Variants in H2BC18 observed in about 807,000 individuals in gnomAD.
H2BC18 encodes the protein H2B clustered histone 18.
Under a neutral mutation model 6.3 loss-of-function variants are expected in H2BC18, and 8 were observed. That is an observed-to-expected ratio of 1.28 (90% CI 0.75 to 2.31). H2BC18 has a LOEUF of 2.31. Among genes scored for constraint, H2BC18 ranks in the 30% most tolerant of loss-of-function variants. The probability of loss-of-function intolerance (pLI) is 0.00; values close to 1 mark genes in which losing one functional copy is unlikely to be tolerated. For missense variants in H2BC18, 106 were observed against 174.5 expected, an observed-to-expected ratio of 0.61 and a Z score of 2.21; for synonymous variants, 104 against 78.1, an observed-to-expected ratio of 1.33 and a Z score of -1.75.
chr1:149,812,345 A>T lies in H2BC18; in HGVS notation c.-22T>A, dbSNP rs782473844. The T allele has an allele frequency of 1.9e-6, 3 of 1,613,940 alleles. No individual in the cohort carries two copies. Among genetic ancestry groups the T allele is most frequent in the Non-Finnish European group, 2.5e-6 (3 of 1,180,006 alleles). On this transcript the variant is annotated 5_prime_UTR_variant, in exon 1 of 1. Transcript: ENST00000369167. ...GCATTTTTGCGCGAAAAAAGAGAAA[A>T]GAGACTTAAAGAAGTAATCCGAACT...
intron 1 of H2BC18, among the ~76,000 whole-genome samples, chr1:149,798,388 C>G (rs1285450887): frequency 6.6e-6 from 1 of 151,362 alleles, no homozygotes; most frequent in East Asian, 1.9e-4. Flanking sequence ...TCTTATTAAC[C>G]GTGTTCTTCA....
intron 1 of H2BC18, among the ~76,000 whole-genome samples, chr1:149,784,750 G>A (rs2091496225): frequency 6.7e-6 from 1 of 149,856 alleles, no homozygotes; most frequent in African/African-American, 2.4e-5. Flanking sequence ...AAAGCTGTGG[G>A]TGGTAGAACA....
At chr1:149,803,879 T>C (rs1571415989) in intron 1 of H2BC18, 1 of 152,154 alleles carries the variant, frequency 6.6e-6, no homozygotes, top group East Asian at 1.9e-4. Flanking sequence ...TGGACTGTAA[T>C]TTGAAGAGAA....
chr1:149,783,819 G>A, intron 1 of H2BC18: 2 of 478,622 alleles, frequency 4.2e-6, no homozygotes, highest in Admixed American at 4.6e-5. Context: ...ATGAACAGAG[G>A]TCTCTGCAGC....
downstream of H2BC18, among the ~76,000 whole-genome samples, chr1:149,809,188 C>T (rs665907): frequency 8.2e-6 from 1 of 122,542 alleles, no homozygotes; most frequent in African/African-American, 3.3e-5. Context: ...CACCTTTTGT[C>T]TTCTGGAATG....
intron 1 of H2BC18, among the ~76,000 whole-genome samples, chr1:149,785,413 T>TTG (rs2091518802): frequency 7.7e-6 from 1 of 130,644 alleles, no homozygotes; most frequent in Non-Finnish European, 1.7e-5. Flanking sequence ...GTTTCGTTTT[T>TTG]TTTTTTTTTT....
chr1:149,803,150 G>C (rs1297289647), intron 1 of H2BC18, among the ~76,000 whole-genome samples: 1 of 151,972 alleles, frequency 6.6e-6, no homozygotes, highest in Non-Finnish European at 1.5e-5. Flanking sequence ...GCCCAGGATC[G>C]TATCTGTGCT....
chr1:149,790,129 G>GATTCACCC, intron 1 of H2BC18: 1 of 1,613,956 alleles, frequency 6.2e-7, no homozygotes, highest in Non-Finnish European at 8.5e-7. Context: ...ACCCTGAGCT[G>GATTCACCC]TGAAACAAAG....
downstream of H2BC18, chr1:149,810,278 A>G (rs2091960021): frequency 6.6e-6 from 1 of 151,728 alleles, no homozygotes; most frequent in Admixed American, 6.6e-5. Flanking sequence ...TGTGCTATAT[A>G]TGATTTCTTT....
At chr1:149,811,639 C>T, downstream of H2BC18, 1 of 473,750 alleles carries the variant, frequency 2.1e-6, no homozygotes. Flanking sequence ...CACCCCCCGC[C>T]TCCTTCCCTC....
At chr1:149,804,357 AT>A (rs1553753668) in intron 1 of H2BC18, among the ~76,000 whole-genome samples, 1 of 152,198 alleles carries the variant, frequency 6.6e-6, no homozygotes, top group Non-Finnish European at 1.5e-5. Context: ...TCATTTCCTA[AT>A]TTATTATTTT....
chr1:149,809,204 C>G (rs1182548424), downstream of H2BC18, among the ~76,000 whole-genome samples: 6 of 121,496 alleles, frequency 4.9e-5, no homozygotes, highest in African/African-American at 6.6e-5. Flanking sequence ...GAATGCACCT[C>G]TCTTCTCATC....
At position 149,812,183 on chromosome 1, in the gene H2BC18, C is replaced by T. The variant is rs1452886888; in HGVS notation, c.141G>A (p.Lys47=). 1 of 1,614,286 alleles carries T rather than the reference C, an allele frequency of 6.2e-7. No individual in the cohort carries two copies. The highest frequency in any genetic ancestry group is 8.5e-7 in the Non-Finnish European group (1 of 1,180,054). The stretch of plus-strand genomic sequence containing the variant: ...AGATGCCGGTGTCGGGGTGGACCTG[C>T]TTCAGCACCTTGTACACGTAAACGG... ...SYSVYVYKVL[K]QVHPDTGISS... The change falls in exon 1 of 1, where the codon AAG becomes AAA. Residue 47 remains lysine, a synonymous_variant. Coordinates refer to ENST00000369167, the MANE Select transcript of H2BC18 (RefSeq NM_001024599.5).
At chr1:149,801,100 A>G (rs1185875092) in intron 1 of H2BC18, among the ~76,000 whole-genome samples, 3 of 152,168 alleles carry the variant, frequency 2.0e-5, no homozygotes, top group African/African-American at 7.2e-5. Context: ...AAATAAATAA[A>G]AAGACTTCAG....
intron 1 of H2BC18, chr1:149,791,875 GAC>G: frequency 2.6e-5 from 7 of 269,558 alleles, no homozygotes; most frequent in South Asian, 4.0e-5. Flanking sequence ...GACAGAAAGA[GAC>G]ACACACACAG....
rs782486574 is a variant in H2BC18, at chr1:149,793,029, C to G, written c.378-9769G>C. 79 of 1,263,614 alleles carry G rather than the reference C, an allele frequency of 6.3e-5. 2 individuals are homozygous for G. The South Asian group carries it at 9.6e-4, about 15-fold the overall frequency. 78.3% of individuals were successfully genotyped at this position (1,263,614 alleles called of 1,614,324 possible). ...AGTCCCTCCAACCCCGCCCCGGGCC[C>G]GCCAGCTCCCGGGCCCCGGCGCGGC... is the stretch of plus-strand genomic sequence containing the variant. On this transcript the variant is annotated intron_variant, in intron 1 of 1. Coordinates refer to the H2BC18 transcript ENST00000545683.
At chr1:149,801,570 A>G (rs1418166894) in intron 1 of H2BC18, among the ~76,000 whole-genome samples, 3 of 135,600 alleles carry the variant, frequency 2.2e-5, no homozygotes, top group African/African-American at 8.2e-5. Flanking sequence ...CACAGATTAA[A>G]AACATCCTAA....
intron 1 of H2BC18, among the ~76,000 whole-genome samples, chr1:149,800,393 C>T (rs2091854448): frequency 6.6e-6 from 1 of 151,006 alleles, no homozygotes; most frequent in Admixed American, 6.6e-5. Flanking sequence ...CCCCTCTCCC[C>T]TCCCCGGAAG....
chr1:149,790,867 C>T (rs1287913177), intron 1 of H2BC18, among the ~76,000 whole-genome samples: 1 of 152,092 alleles, frequency 6.6e-6, no homozygotes, highest in East Asian at 1.9e-4. Flanking sequence ...CCCCAAGTAT[C>T]TCTATTTAAC....
Sources: allele counts gnomAD v4.1 joint callset (sites outside exome capture counted in the v4.1 genomes callset), GRCh38; gene constraint gnomAD v4.1.1; transcripts MANE v1.5; gene names NCBI Gene and HGNC (gene_info 2026-07-23, HGNC 2026-07-21).